The following RAB3IL1 variants were observed in gnomAD, a reference collection of about 807,000 sequenced individuals.
RAB3IL1 encodes RAB3A interacting protein like 1.
A neutral mutation model predicts 49.2 loss-of-function variants in RAB3IL1; 37 were observed. The observed-to-expected ratio is 0.75, with a 90% CI of 0.58 to 0.99. The LOEUF (loss-of-function observed/expected upper bound fraction) is 0.99, where lower values mean the gene tolerates loss of function less well. Ranked by LOEUF, RAB3IL1 falls within the 50% of genes least tolerant of loss-of-function variation. RAB3IL1 has a pLI of 0.00. For synonymous variants in RAB3IL1, 193 were observed against 213.9 expected, an observed-to-expected ratio of 0.90 and a Z score of 0.85; for missense variants, 484 against 513.0, an observed-to-expected ratio of 0.94 and a Z score of 0.55.
chr11:61,910,226 G>A lies in RAB3IL1; in HGVS notation c.12-1920C>T, dbSNP rs899465777. Among the ~76,000 whole-genome samples, 4 of 152,204 alleles carry A rather than the reference G, an allele frequency of 2.6e-5. No homozygotes were observed. In the South Asian group the frequency reaches 8.3e-4, roughly 32 times the overall value. ...GGGGAAGGGCAGGTGGGTGCGGAGT[G>A]TGAGTGTTGGAATCGGCGCATCTGC... On this transcript the variant is annotated intron_variant, in intron 1 of 9. Transcript: ENST00000394836.
intron 1 of RAB3IL1, among the ~76,000 whole-genome samples, chr11:61,915,898 C>A (rs1008499653): frequency 6.6e-6 from 1 of 151,654 alleles, no homozygotes. Context: ...ATTAGCTGGG[C>A]GTGGTGGCGG....
the RAB3IL1 span, among the ~76,000 whole-genome samples, chr11:61,931,851 G>A: frequency 6.6e-6 from 1 of 152,188 alleles, no homozygotes; most frequent in Non-Finnish European, 1.5e-5. Context: ...AGACACAGTT[G>A]AGGGAATATC....
At chr11:61,923,049 C>T (rs1939939971), upstream of RAB3IL1, among the ~76,000 whole-genome samples, 1 of 152,230 alleles carries the variant, frequency 6.6e-6, no homozygotes, top group East Asian at 1.9e-4. Flanking sequence ...CCCTCCCTGC[C>T]AAGACCCCAC....
intron 1 of RAB3IL1, among the ~76,000 whole-genome samples, chr11:61,910,579 AG>A (rs1405639280): frequency 6.6e-6 from 1 of 152,216 alleles, no homozygotes; most frequent in African/African-American, 2.4e-5. Flanking sequence ...AAGAGCTCTA[AG>A]AGCAGTCCTG....
chr11:61,918,373 C>T (rs568674129), upstream of RAB3IL1, among the ~76,000 whole-genome samples: 1 of 152,366 alleles, frequency 6.6e-6, no homozygotes, highest in African/African-American at 2.4e-5. Flanking sequence ...TAGGGGAGGA[C>T]TGGGAGCGTG....
At chr11:61,939,629 CAAA>C in the RAB3IL1 span, among the ~76,000 whole-genome samples, 2 of 132,052 alleles carry the variant, frequency 1.5e-5, no homozygotes, top group Admixed American at 7.6e-5. Flanking sequence ...TTAGACTGAC[CAAA>C]AAAAAAAAAA....
the RAB3IL1 span, among the ~76,000 whole-genome samples, chr11:61,946,310 C>T: frequency 6.6e-6 from 1 of 152,132 alleles, no homozygotes. Flanking sequence ...TGAGGCAGGG[C>T]CTAGAAGGGC....
At chr11:61,900,896 C>T (rs1048409547) in intron 8 of RAB3IL1, among the ~76,000 whole-genome samples, 14 of 151,924 alleles carry the variant, frequency 9.2e-5, no homozygotes, top group South Asian at 2.1e-4. Context: ...GCCTGGAAAG[C>T]GGTGATGGAG....
At chr11:61,921,617 G>A (rs764514657), upstream of RAB3IL1, among the ~76,000 whole-genome samples, 6 of 152,150 alleles carry the variant, frequency 3.9e-5, no homozygotes, top group Non-Finnish European at 8.8e-5. Context: ...CCCTGGAACT[G>A]TTGGACACTC....
chr11:61,926,733 T>C, the RAB3IL1 span, among the ~76,000 whole-genome samples: 111 of 151,860 alleles, frequency 7.3e-4, no homozygotes, highest in Middle Eastern at 6.3e-3. Context: ...TTTGTATTTT[T>C]AGTAGAGATG....
At chr11:61,936,735 C>T in the RAB3IL1 span, among the ~76,000 whole-genome samples, 1 of 152,280 alleles carries the variant, frequency 6.6e-6, no homozygotes, top group South Asian at 2.1e-4. Flanking sequence ...CATCAGAAAC[C>T]ATGGGGGCCA....
intron 1 of RAB3IL1, among the ~76,000 whole-genome samples, chr11:61,911,142 T>C (rs1251527525): frequency 6.6e-6 from 1 of 152,164 alleles, no homozygotes; most frequent in African/African-American, 2.4e-5. Flanking sequence ...CCCAATTTTG[T>C]AGCCAGAGGA....
At chr11:61,934,446 G>GTATATATA in the RAB3IL1 span, among the ~76,000 whole-genome samples, 1 of 24,404 alleles carries the variant, frequency 4.1e-5, no homozygotes, top group Non-Finnish European at 1.2e-4. Flanking sequence ...GTGTGTGTGT[G>GTATATATA]TATGTATATA....
intron 1 of RAB3IL1, among the ~76,000 whole-genome samples, chr11:61,913,620 T>G (rs1237063393): frequency 6.6e-6 from 1 of 152,176 alleles, no homozygotes; most frequent in Non-Finnish European, 1.5e-5. Flanking sequence ...CTCACTACTC[T>G]TCTACAGGGC....
upstream of RAB3IL1, among the ~76,000 whole-genome samples, chr11:61,924,685 G>A (rs935017780): frequency 4.6e-5 from 7 of 152,164 alleles, no homozygotes; most frequent in Non-Finnish European, 8.8e-5. Flanking sequence ...TCATATTGTG[G>A]GGTGCTGATG....
Position 61,906,415 on chromosome 11 carries a change from C to T in RAB3IL1, c.657+51G>A, listed in dbSNP as rs1250944186. 1.4e-5 allele frequency: 20 copies of T among 1,481,178 alleles called. No homozygotes were observed. Among genetic ancestry groups the T allele is most frequent in the East Asian group, 9.8e-5 (4 of 40,630 alleles). 91.8% of individuals were successfully genotyped at this position (1,481,178 alleles called of 1,614,324 possible). On this transcript the variant is annotated intron_variant, in intron 5 of 9. Coordinates refer to ENST00000394836, the MANE Select transcript of RAB3IL1 (RefSeq NM_013401.4). This position sits in a 1 kb window ranked among gnomAD's most constrained non-coding sequence, Gnocchi z 4.6. Reference sequence around the variant, plus strand: ...CTCACTGGGCTCGGACCCTGCCTACCGCAGGCACTGCCACCCTTCCCCGTG... The same window carrying T: ...CTCACTGGGCTCGGACCCTGCCTACTGCAGGCACTGCCACCCTTCCCCGTG...
At chr11:61,935,480 T>C in the RAB3IL1 span, among the ~76,000 whole-genome samples, 1 of 151,936 alleles carries the variant, frequency 6.6e-6, no homozygotes, top group Non-Finnish European at 1.5e-5. Flanking sequence ...TTAGACTTTA[T>C]AGATAGACTT....
chr11:61,925,089 C>T (rs1939974407), upstream of RAB3IL1, among the ~76,000 whole-genome samples: 1 of 152,202 alleles, frequency 6.6e-6, no homozygotes, highest in South Asian at 2.1e-4. Flanking sequence ...TCTGTTCATC[C>T]TTGCAGCGGC....
At chr11:61,924,567 G>C (rs750474718), upstream of RAB3IL1, among the ~76,000 whole-genome samples, 3 of 152,092 alleles carry the variant, frequency 2.0e-5, no homozygotes, top group Non-Finnish European at 4.4e-5. Flanking sequence ...CCCTTCTCTG[G>C]CTGCGAAGAC....
Sources: allele counts gnomAD v4.1 joint callset (sites outside exome capture counted in the v4.1 genomes callset), GRCh38; gene constraint gnomAD v4.1.1; non-coding constraint Gnocchi (gnomAD v3.1); transcripts MANE v1.5; gene names NCBI Gene and HGNC (gene_info 2026-07-23, HGNC 2026-07-21).